The following CRCP variants were observed in gnomAD, a reference collection of about 807,000 sequenced individuals.
CRCP encodes DNA-directed RNA polymerase III subunit RPC9.
Under a neutral mutation model 18.5 loss-of-function variants are expected in CRCP, and 18 were observed. That is an observed-to-expected ratio of 0.97 (90% CI 0.67 to 1.44). CRCP has a LOEUF of 1.44. Among genes scored for constraint, CRCP ranks in the 40% most tolerant of loss-of-function variants. The probability of loss-of-function intolerance (pLI) is 0.00; values close to 1 mark genes in which losing one functional copy is unlikely to be tolerated. For missense variants in CRCP, 130 were observed against 176.4 expected (o/e 0.74, Z 1.49); for synonymous variants, 53 against 62.9 (o/e 0.84, Z 0.75).
At chr7:66,126,611 C>A (rs1334757450) in intron 1 of CRCP, 2 of 427,448 alleles carry the variant, frequency 4.7e-6, no homozygotes, top group South Asian at 1.7e-5. Flanking sequence ...GGGATAATAT[C>A]TTTTACAAAT....
chr7:66,143,822 C>A (rs1235509969), intron 4 of CRCP, among the ~76,000 whole-genome samples: 3 of 152,122 alleles, frequency 2.0e-5, no homozygotes, highest in Non-Finnish European at 2.9e-5. Context: ...TGATGTAGTT[C>A]CACATGGAAA....
In CRCP at chr7:66,145,461, G is replaced by A. The variant is rs1311564041; in HGVS notation, c.258G>A (p.Leu86=). ...TCCACAGAGCTGAGAAGCTCCAGCT[G>A]CTGAACCACCGGCCTGTGACTGCTG... is the stretch of plus-strand genomic sequence containing the variant. ...HKLTKAEKLQ[L]LNHRPVTAVE... The change falls in exon 5 of 6, where the codon CTG becomes CTA. Residue 86 remains leucine, a synonymous_variant. Transcript: ENST00000395326. The A allele has an allele frequency of 1.9e-6, 3 of 1,613,984 alleles. No homozygotes were observed. The highest frequency in any genetic ancestry group is 2.5e-6 in the Non-Finnish European group (3 of 1,179,912).
intron 1 of CRCP, among the ~76,000 whole-genome samples, chr7:66,127,059 C>T (rs1787636742): frequency 6.6e-6 from 1 of 152,236 alleles, no homozygotes; most frequent in South Asian, 2.1e-4. Flanking sequence ...AGTGGCAGAG[C>T]TAGAACATGA....
At chr7:66,148,592 G>A (rs1217290403) in intron 5 of CRCP, among the ~76,000 whole-genome samples, 3 of 152,184 alleles carry the variant, frequency 2.0e-5, no homozygotes, top group Non-Finnish European at 4.4e-5. Context: ...GTGGCCCTCT[G>A]ATGACTGCCT....
At chr7:66,142,429 A>C (rs1007279732) in intron 4 of CRCP, among the ~76,000 whole-genome samples, 2 of 152,174 alleles carry the variant, frequency 1.3e-5, no homozygotes, top group African/African-American at 2.4e-5. Flanking sequence ...AGTTGTCAGC[A>C]CAGCTGTCAT....
intron 1 of CRCP, among the ~76,000 whole-genome samples, chr7:66,121,034 CATA>C (rs10607378): frequency 0.79 from 115,246 of 145,240 alleles, 45,734 homozygotes; most frequent in African/African-American, 0.82. Flanking sequence ...GTAACTAATA[CATA>C]ATAATAATAA....
In CRCP at chr7:66,130,826, A is replaced by T. The variant is rs781694313; in HGVS notation, c.128A>T (p.Asn43Ile). 6.3e-7 allele frequency: 1 copy of T among 1,575,904 alleles called. No individual in the cohort carries two copies. Among genetic ancestry groups the T allele is most frequent in the Admixed American group, 1.7e-5 (1 of 59,892 alleles). ...NKHSSGQQNL[N>I]TITYETLKYI... ...CACAGCTCTGGGCAACAGAACTTGA[A>T]CACTATCACCTATGAAGTAAGGCTG... The change falls in exon 3 of 6, where the codon AAC (asparagine) becomes ATC (isoleucine). Residue 43 changes from asparagine (N) to isoleucine (I), a missense_variant. Physicochemically the swap from Asn to Ile is moderately radical, Grantham distance 149 (BLOSUM62 -3). Coordinates refer to ENST00000395326, the MANE Select transcript of CRCP (RefSeq NM_014478.5).
chr7:66,136,418 C>T (rs1055995842), intron 4 of CRCP, among the ~76,000 whole-genome samples: 2 of 152,038 alleles, frequency 1.3e-5, no homozygotes, highest in South Asian at 2.1e-4. Context: ...TTAGTAGAGA[C>T]GTGGTTTCTC....
In CRCP at chr7:66,154,562, G is replaced by A. The variant is rs1788558097; in HGVS notation, c.*2205G>A. On this transcript the variant is annotated 3_prime_UTR_variant, in exon 6 of 6. Coordinates refer to ENST00000395326, the MANE Select transcript of CRCP (RefSeq NM_014478.5). Reference sequence around the variant, plus strand: ...ACAAATAAAGTGAAATCTGACTGAGGCTAAAATGTGTGATTTTTTTCTTAA... The same window carrying A: ...ACAAATAAAGTGAAATCTGACTGAGACTAAAATGTGTGATTTTTTTCTTAA... 1 of 150,994 alleles carries A rather than the reference G, an allele frequency of 6.6e-6. No individual in the cohort carries two copies. 9.4% of individuals were successfully genotyped at this position (150,994 alleles called of 1,614,324 possible).
intron 3 of CRCP, 46 bp downstream of exon 3, chr7:66,130,888 A>G: frequency 9.7e-7 from 1 of 1,032,466 alleles, no homozygotes; most frequent in East Asian, 2.4e-5. Flanking sequence ...CCATTGAGGG[A>G]GGGGGGTTTA....
intron 2 of CRCP, chr7:66,128,608 G>C (rs895857347): frequency 6.6e-6 from 1 of 151,962 alleles, no homozygotes; most frequent in African/African-American, 2.4e-5. Flanking sequence ...TGGCCAACAT[G>C]GTGAAACCCC....
chr7:66,147,595 G>T (rs973226194), intron 5 of CRCP, among the ~76,000 whole-genome samples: 3 of 152,144 alleles, frequency 2.0e-5, no homozygotes, highest in African/African-American at 7.2e-5. Flanking sequence ...CCCTGAGATG[G>T]TTTCCTTCTC....
Position 66,114,862 on chromosome 7 carries a change from G to A in CRCP, c.-101G>A, listed in dbSNP as rs1054465685. On this transcript the variant is annotated 5_prime_UTR_variant, in exon 1 of 6. Coordinates refer to ENST00000395326, the MANE Select transcript of CRCP (RefSeq NM_014478.5). Reference sequence around the variant, plus strand: ...CGGCGATCCCGGCGAGCACCTTGGCGCGCGGAGCTGGCACCTTGGCGCTGT... The same window carrying A: ...CGGCGATCCCGGCGAGCACCTTGGCACGCGGAGCTGGCACCTTGGCGCTGT... The A allele has an allele frequency of 1.2e-6, 2 of 1,600,238 alleles. No individual in the cohort carries two copies. Among genetic ancestry groups the A allele is most frequent in the African/African-American group, 2.7e-5 (2 of 74,640 alleles).
intron 2 of CRCP, among the ~76,000 whole-genome samples, chr7:66,129,652 C>T (rs1787732984): frequency 6.9e-6 from 1 of 145,392 alleles, no homozygotes. Context: ...TAAGTGGTTG[C>T]AGCTTAGAAC....
Position 66,126,753 on chromosome 7 carries a change from T to C in CRCP, c.9-951T>C, listed in dbSNP as rs750810285. The C allele has an allele frequency of 5.2e-5, 18 of 348,784 alleles. 2 individuals carry two copies. The Middle Eastern group carries it at 2.8e-3, about 55-fold the overall frequency. 21.6% of individuals were successfully genotyped at this position (348,784 alleles called of 1,614,324 possible). ...CTGGTGGTAGTGGTAGTTGCCCAGA[T>C]AGTAGTAGTGATAATGTTGGTGCTT... is the stretch of plus-strand genomic sequence containing the variant. On this transcript the variant is annotated intron_variant, in intron 1 of 5. Transcript: ENST00000395326.
chr7:66,138,758 A>G (rs1354047666), intron 4 of CRCP, among the ~76,000 whole-genome samples: 2 of 148,590 alleles, frequency 1.3e-5, no homozygotes, highest in African/African-American at 5.0e-5. Flanking sequence ...GCGCCACTGC[A>G]CTCCGGCCTG....
intron 3 of CRCP, among the ~76,000 whole-genome samples, chr7:66,131,219 C>G (rs758166051): frequency 2.0e-5 from 3 of 152,184 alleles, no homozygotes; most frequent in Non-Finnish European, 2.9e-5. Flanking sequence ...CGTGATCCGT[C>G]CGCCTAGACT....
chr7:66,126,592 GA>G, intron 1 of CRCP: 1 of 419,678 alleles, frequency 2.4e-6, no homozygotes, highest in Non-Finnish European at 4.8e-6. Flanking sequence ...TTTTCAGTGA[GA>G]ATTAACTGGG....
chr7:66,141,726 C>T (rs1291119185), intron 4 of CRCP, among the ~76,000 whole-genome samples: 1 of 152,192 alleles, frequency 6.6e-6, no homozygotes, highest in African/African-American at 2.4e-5. Context: ...CGTGTGGAGG[C>T]ACCAGGCCCT....
Sources: allele counts gnomAD v4.1 joint callset (sites outside exome capture counted in the v4.1 genomes callset), GRCh38; gene constraint gnomAD v4.1.1; transcripts MANE v1.5; gene names NCBI Gene and HGNC (gene_info 2026-07-23, HGNC 2026-07-21).